Variants in ERC1 observed in about 807,000 individuals in gnomAD.
ERC1 encodes the protein ELKS/RAB6-interacting/CAST family member 1.
ERC1 carries 56 observed loss-of-function variants against 132.0 expected under a neutral mutation model. That is an observed-to-expected ratio of 0.42 (90% confidence interval 0.34 to 0.53). ERC1 has a LOEUF of 0.53. Ranked by LOEUF, ERC1 falls within the 20% of genes least tolerant of loss-of-function variation. The pLI is 0.03. For synonymous variants in ERC1, 478 were observed against 476.1 expected, an observed-to-expected ratio of 1.00 and a Z score of -0.05; for missense variants, 1,202 against 1,349.9, an observed-to-expected ratio of 0.89 and a Z score of 1.72.
At chr12:1,342,206 T>C (rs2083968158) in intron 15 of ERC1, among the ~76,000 whole-genome samples, 1 of 152,100 alleles carries the variant, frequency 6.6e-6, no homozygotes, top group Admixed American at 6.5e-5. Context: ...GGCTCACGCC[T>C]GTAATCCCAG....
At chr12:1,145,967 G>A (rs1395765767) in intron 8 of ERC1, among the ~76,000 whole-genome samples, 1 of 152,196 alleles carries the variant, frequency 6.6e-6, no homozygotes, top group South Asian at 2.1e-4. Flanking sequence ...ATTGGTTTTG[G>A]CGACTATAGC....
intron 17 of ERC1, among the ~76,000 whole-genome samples, chr12:1,443,020 G>T (rs1245841582): frequency 6.6e-6 from 1 of 151,740 alleles, no homozygotes; most frequent in Non-Finnish European, 1.5e-5. Flanking sequence ...CCATTCTCCT[G>T]CCTCTGCCTC....
At chr12:1,081,702 G>A (rs1187336113) in intron 2 of ERC1, among the ~76,000 whole-genome samples, 1 of 152,126 alleles carries the variant, frequency 6.6e-6, no homozygotes, top group Admixed American at 6.6e-5. Context: ...CGGGGGTAGG[G>A]GGAAATGGAG....
At chr12:1,104,902 T>C in intron 4 of ERC1, 78 bp downstream of exon 4, 1 of 888,524 alleles carries the variant, frequency 1.1e-6, no homozygotes, top group Non-Finnish European at 1.9e-6. Flanking sequence ...GTGTGAGTGT[T>C]AGGAAATGGC....
At chr12:1,134,615 G>A (rs567781819) in intron 7 of ERC1, among the ~76,000 whole-genome samples, 1 of 151,800 alleles carries the variant, frequency 6.6e-6, no homozygotes, top group African/African-American at 2.4e-5. Flanking sequence ...GCCTCCCAAA[G>A]TGTTGGGATT....
chr12:1,138,643 G>A (rs569240561), intron 7 of ERC1, among the ~76,000 whole-genome samples: 2 of 151,940 alleles, frequency 1.3e-5, no homozygotes, highest in South Asian at 4.2e-4. Flanking sequence ...GGATATTACA[G>A]GCATAGGACA....
At chr12:1,072,110 A>C (rs1336434891) in intron 2 of ERC1, among the ~76,000 whole-genome samples, 1 of 151,944 alleles carries the variant, frequency 6.6e-6, no homozygotes, top group East Asian at 1.9e-4. Context: ...CAAAAAAAAA[A>C]ACAAAAAAGT....
chr12:1,039,176 A>T (rs960753911), intron 2 of ERC1, among the ~76,000 whole-genome samples: 1 of 151,972 alleles, frequency 6.6e-6, no homozygotes. Context: ...CTCTACTAAA[A>T]ATACAAAAAA....
chr12:1,116,930 C>A (rs540415332), intron 7 of ERC1, among the ~76,000 whole-genome samples: 4 of 152,144 alleles, frequency 2.6e-5, no homozygotes, highest in Non-Finnish European at 2.9e-5. Context: ...GCTATGACTT[C>A]AGTTAGGTAT....
At chr12:1,211,699 A>G (rs547195676) in intron 12 of ERC1, among the ~76,000 whole-genome samples, 142 of 151,286 alleles carry the variant, frequency 9.4e-4, no homozygotes, top group African/African-American at 3.3e-3. Context: ...AGCTGGGATT[A>G]CAGGCACTCA....
intron 13 of ERC1, among the ~76,000 whole-genome samples, chr12:1,260,325 T>A (rs2077063759): frequency 6.6e-6 from 1 of 152,246 alleles, no homozygotes; most frequent in Non-Finnish European, 1.5e-5. Flanking sequence ...TGACAAGTGA[T>A]CATTTTTGGC....
chr12:1,234,716 G>T (rs2075296964), intron 12 of ERC1, among the ~76,000 whole-genome samples: 1 of 152,162 alleles, frequency 6.6e-6, no homozygotes, highest in African/African-American at 2.4e-5. Context: ...TAGTAATTAA[G>T]GTGGTATAGA....
intron 16 of ERC1, among the ~76,000 whole-genome samples, chr12:1,405,176 T>TAAATA (rs1476612456): frequency 1.4e-5 from 2 of 144,976 alleles, no homozygotes; most frequent in Admixed American, 6.9e-5. Context: ...AATAAATAAA[T>TAAATA]AAATATAAAT....
At chr12:1,173,812 T>C (rs1953359043) in intron 8 of ERC1, among the ~76,000 whole-genome samples, 2 of 152,250 alleles carry the variant, frequency 1.3e-5, no homozygotes, top group Admixed American at 6.5e-5. Context: ...CTGAGGTCCT[T>C]GATCACAACG....
intron 17 of ERC1, among the ~76,000 whole-genome samples, chr12:1,434,324 A>T (rs2154404765): frequency 6.6e-6 from 1 of 152,300 alleles, no homozygotes; most frequent in South Asian, 2.1e-4. Flanking sequence ...TAAAAAATAG[A>T]TATATGAAGA....
chr12:1,353,028 C>CTTTTTTTTT (rs547540688), intron 15 of ERC1, among the ~76,000 whole-genome samples: 4 of 123,010 alleles, frequency 3.3e-5, no homozygotes, highest in Non-Finnish European at 5.3e-5. Context: ...CTTTTCTTTT[C>CTTTTTTTTT]TTTTTTTTTT....
At chr12:1,199,731 C>G (rs1335373752) in intron 12 of ERC1, among the ~76,000 whole-genome samples, 2 of 151,720 alleles carry the variant, frequency 1.3e-5, no homozygotes, top group Non-Finnish European at 2.9e-5. Flanking sequence ...TGAGCTGATA[C>G]TGTGCCATTG....
intron 8 of ERC1, among the ~76,000 whole-genome samples, chr12:1,155,595 G>A (rs891276148): frequency 2.0e-5 from 3 of 151,890 alleles, no homozygotes; most frequent in Admixed American, 6.6e-5. Flanking sequence ...TCCTGCCTCA[G>A]CTTCCTGAGT....
intron 2 of ERC1, among the ~76,000 whole-genome samples, chr12:1,080,215 C>T (rs2154187423): frequency 6.6e-6 from 1 of 152,314 alleles, no homozygotes; most frequent in South Asian, 2.1e-4. Flanking sequence ...TATATCCCAT[C>T]TATCTCCAGA....
Sources: allele counts gnomAD v4.1 joint callset (sites outside exome capture counted in the v4.1 genomes callset), GRCh38; gene constraint gnomAD v4.1.1; transcripts MANE v1.5; gene names NCBI Gene and HGNC (gene_info 2026-07-23, HGNC 2026-07-21).